CFAP300: variants seen among roughly 807,000 people sequenced by gnomAD.
The protein encoded by CFAP300 is cilia and flagella associated protein 300.
In CFAP300, 32 loss-of-function variants were observed where a neutral mutation model predicts 33.0. The observed-to-expected ratio is 0.97, with a 90% CI of 0.73 to 1.30. The LOEUF (loss-of-function observed/expected upper bound fraction) is 1.30, where lower values mean the gene tolerates loss of function less well. Among genes scored for constraint, CFAP300 ranks in the 50% most tolerant of loss-of-function variants. CFAP300 has a pLI of 0.00. For missense variants in CFAP300, 356 were observed against 318.1 expected (o/e 1.12, Z -0.90); for synonymous variants, 102 against 106.8 (o/e 0.95, Z 0.28).
At chr11:102,078,794 C>T (rs1436739251) in intron 5 of CFAP300, among the ~76,000 whole-genome samples, 1 of 152,098 alleles carries the variant, frequency 6.6e-6, no homozygotes, top group Non-Finnish European at 1.5e-5. Flanking sequence ...CTGCAACCTC[C>T]GCCTACCGAG....
At chr11:102,064,956 C>T (rs559280181) in intron 3 of CFAP300, among the ~76,000 whole-genome samples, 2 of 152,100 alleles carry the variant, frequency 1.3e-5, no homozygotes, top group South Asian at 2.1e-4. Context: ...ACTAAGTCTA[C>T]AAGAGAAAAA....
chr11:102,063,628 G>A (rs894102015), intron 3 of CFAP300, among the ~76,000 whole-genome samples: 6 of 152,142 alleles, frequency 3.9e-5, no homozygotes, highest in Non-Finnish European at 8.8e-5. Flanking sequence ...AGGCATTTGA[G>A]ACTAGCCTGG....
chr11:102,054,589 T>C (rs1942021352), intron 2 of CFAP300, among the ~76,000 whole-genome samples: 1 of 151,686 alleles, frequency 6.6e-6, no homozygotes, highest in African/African-American at 2.4e-5. Flanking sequence ...ATTAGCTGGG[T>C]GTGTTGGCGC....
chr11:102,073,377 G>A (rs935905803), intron 4 of CFAP300, among the ~76,000 whole-genome samples: 2 of 152,162 alleles, frequency 1.3e-5, no homozygotes, highest in Non-Finnish European at 2.9e-5. Flanking sequence ...ATCCCCAAGA[G>A]GAGCACCCAG....
At chr11:102,073,857 C>A (rs1942354863) in intron 4 of CFAP300, among the ~76,000 whole-genome samples, 1 of 152,120 alleles carries the variant, frequency 6.6e-6, no homozygotes, top group Admixed American at 6.6e-5. Context: ...TATGTTTCAG[C>A]CCCTCAGCTG....
chr11:102,063,021 G>A (rs1591319378), intron 3 of CFAP300, among the ~76,000 whole-genome samples: 2 of 152,358 alleles, frequency 1.3e-5, no homozygotes, highest in East Asian at 3.9e-4. Flanking sequence ...GCAATTCAGA[G>A]ATCTTCAGGG....
At chr11:102,076,082 TAATAG>T (rs923646456) in intron 5 of CFAP300, 37 bp downstream of exon 5, 2 of 1,559,494 alleles carry the variant, frequency 1.3e-6, no homozygotes, top group Non-Finnish European at 1.7e-6. Flanking sequence ...AATCTCTAGT[TAATAG>T]AATAAATTAT....
chr11:102,048,876 C>A (rs185809970), intron 2 of CFAP300, among the ~76,000 whole-genome samples: 1 of 152,010 alleles, frequency 6.6e-6, no homozygotes, highest in East Asian at 1.9e-4. Context: ...CATTCTCTGC[C>A]ATTCATGTCC....
chr11:102,081,535 T>G (rs1469471248), intron 6 of CFAP300: 6 of 543,776 alleles, frequency 1.1e-5, no homozygotes, highest in Non-Finnish European at 1.6e-5. Context: ...AATCTGTGAC[T>G]CAGATAGAGT....
At chr11:102,051,308 G>A (rs944700992) in intron 2 of CFAP300, among the ~76,000 whole-genome samples, 6 of 152,114 alleles carry the variant, frequency 3.9e-5, no homozygotes, top group African/African-American at 1.4e-4. Flanking sequence ...CTTCACCATG[G>A]GACTGGGGAT....
chr11:102,048,684 G>T (rs144786833), intron 2 of CFAP300, among the ~76,000 whole-genome samples: 2 of 152,118 alleles, frequency 1.3e-5, no homozygotes, highest in Non-Finnish European at 2.9e-5. Context: ...GTATGAAGCC[G>T]TAGCACAGTG....
At chr11:102,078,042 C>G (rs1942422950) in intron 5 of CFAP300, among the ~76,000 whole-genome samples, 1 of 151,900 alleles carries the variant, frequency 6.6e-6, no homozygotes, top group Non-Finnish European at 1.5e-5. Flanking sequence ...AAGCACACAC[C>G]ACTACACCTG....
chr11:102,047,608 G>T, intron 1 of CFAP300, 28 bp downstream of exon 1: 1 of 1,529,014 alleles, frequency 6.5e-7, no homozygotes, highest in Non-Finnish European at 8.8e-7. Context: ...AGGGAGAGAA[G>T]AGGCCCTTGG....
At chr11:102,081,148 A>G in intron 5 of CFAP300, 67 bp from the exon 6 acceptor site, 1 of 1,116,374 alleles carries the variant, frequency 9.0e-7, no homozygotes, top group Non-Finnish European at 1.3e-6. Context: ...ACTAAAAGGG[A>G]TCATTACTTA....
chr11:102,049,020 G>C (rs1434266199), intron 2 of CFAP300, among the ~76,000 whole-genome samples: 1 of 152,130 alleles, frequency 6.6e-6, no homozygotes, highest in Non-Finnish European at 1.5e-5. Flanking sequence ...AAGATTGTAC[G>C]GGCCTTGGCA....
intron 5 of CFAP300, among the ~76,000 whole-genome samples, chr11:102,078,146 G>C (rs1479364387): frequency 1.3e-5 from 2 of 152,146 alleles, no homozygotes; most frequent in Non-Finnish European, 2.9e-5. Flanking sequence ...ACCTGCCTCA[G>C]CCTCCCAAAG....
At chr11:102,057,341 A>G (rs1479513925) in intron 2 of CFAP300, among the ~76,000 whole-genome samples, 1 of 46,978 alleles carries the variant, frequency 2.1e-5, no homozygotes, top group Non-Finnish European at 4.1e-5. Context: ...CTCCATCTCA[A>G]AAAAAAAAAA....
chr11:102,065,771 G>GA (rs1052407076), intron 3 of CFAP300, among the ~76,000 whole-genome samples: 107 of 143,384 alleles, frequency 7.5e-4, no homozygotes, highest in Admixed American at 2.8e-3. Context: ...CCATCTCAAA[G>GA]AAAAAAAAAA....
intron 2 of CFAP300, among the ~76,000 whole-genome samples, chr11:102,052,141 A>G (rs918411959): frequency 3.9e-5 from 6 of 152,236 alleles, no homozygotes; most frequent in African/African-American, 1.4e-4. Context: ...AGGGTCCCTT[A>G]TAAAGACTCA....
Sources: allele counts gnomAD v4.1 joint callset (sites outside exome capture counted in the v4.1 genomes callset), GRCh38; gene constraint gnomAD v4.1.1; transcripts MANE v1.5; gene names NCBI Gene and HGNC (gene_info 2026-07-23, HGNC 2026-07-21).